The following SSPN variants were observed in gnomAD, a reference collection of about 807,000 sequenced individuals.
The protein encoded by SSPN is sarcospan, also known as K-ras oncogene-associated protein.
SSPN carries 15 observed loss-of-function variants against 19.1 expected under a neutral mutation model. That is an observed-to-expected ratio of 0.78 (90% CI 0.52 to 1.21). SSPN has a LOEUF of 1.21. Among genes scored for constraint, SSPN ranks in the 50% most tolerant of loss-of-function variants. SSPN has a pLI of 0.00. For missense variants in SSPN, 291 were observed against 314.0 expected, an observed-to-expected ratio of 0.93 and a Z score of 0.55; for synonymous variants, 147 against 140.3, an observed-to-expected ratio of 1.05 and a Z score of -0.34.
chr12:26,213,747 G>A (rs1945017117), intron 1 of SSPN, among the ~76,000 whole-genome samples: 1 of 151,890 alleles, frequency 6.6e-6, no homozygotes, highest in South Asian at 2.1e-4. Flanking sequence ...TTTATTATTT[G>A]TATTTTACTA....
intron 1 of SSPN, among the ~76,000 whole-genome samples, chr12:26,201,664 G>A (rs1281781300): frequency 1.3e-5 from 2 of 151,732 alleles, no homozygotes; most frequent in Non-Finnish European, 2.9e-5. Flanking sequence ...CTGTATTGTG[G>A]ATATATTCAA....
intron 1 of SSPN, among the ~76,000 whole-genome samples, chr12:26,207,963 G>A (rs796074050): frequency 1.0e-4 from 15 of 147,994 alleles, no homozygotes; most frequent in East Asian, 4.3e-4. Context: ...TCGCACCACC[G>A]CACTTCAGCC....
Position 26,232,510 on chromosome 12 carries a change from G to A in SSPN, c.*1434G>A. 1 of 985,350 alleles carries A rather than the reference G, an allele frequency of 1.0e-6. No homozygotes were observed. The highest frequency in any genetic ancestry group is 1.2e-6 in the Non-Finnish European group (1 of 829,868). 61.0% of individuals were successfully genotyped at this position (985,350 alleles called of 1,614,324 possible). Reference sequence around the variant, plus strand: ...AAGCAGAAATTAAGATAATAATTGAGTTCAATTCGCCTCTCCGCATTGCCT... The same window carrying A: ...AAGCAGAAATTAAGATAATAATTGAATTCAATTCGCCTCTCCGCATTGCCT... On this transcript the variant is annotated 3_prime_UTR_variant, in exon 3 of 3. Transcript: ENST00000242729.
At chr12:26,214,765 A>G (rs1242921604) in intron 1 of SSPN, 8 of 152,150 alleles carry the variant, frequency 5.3e-5, no homozygotes, top group East Asian at 3.9e-4. Context: ...GTGTTCCTTT[A>G]TCTTGCTTTT....
At chr12:26,215,254 TC>T (rs1945034692) in intron 1 of SSPN, among the ~76,000 whole-genome samples, 1 of 152,178 alleles carries the variant, frequency 6.6e-6, no homozygotes, top group East Asian at 1.9e-4. Flanking sequence ...CTTCCTCTAT[TC>T]CCACAAATCA....
chr12:26,209,635 T>A (rs1944963969), intron 1 of SSPN, among the ~76,000 whole-genome samples: 1 of 140,706 alleles, frequency 7.1e-6, no homozygotes, highest in South Asian at 2.2e-4. Context: ...TCACTGATGT[T>A]GTTACTGATG....
chr12:26,195,859 C>T lies in SSPN; in HGVS notation c.187C>T (p.Leu63=). ...PLLLALLQLA[L]GIAVTVVGFL... ...GCTGCTCGCCCTGCTGCAGCTGGCC[C>T]TGGGCATCGCCGTGACCGTGGTGGG... Residue 63 remains leucine, a synonymous_variant, in exon 1 of 3, where the codon CTG becomes TTG. Coordinates refer to ENST00000242729, the MANE Select transcript of SSPN (RefSeq NM_005086.5). 1.3e-6 allele frequency: 2 copies of T among 1,561,208 alleles called. No homozygotes were observed. Among genetic ancestry groups the T allele is most frequent in the East Asian group, 2.5e-5 (1 of 40,314 alleles).
intron 2 of SSPN, among the ~76,000 whole-genome samples, chr12:26,225,745 T>TAAAAA (rs35244146): frequency 1.6e-5 from 2 of 121,892 alleles, no homozygotes; most frequent in African/African-American, 3.2e-5. Flanking sequence ...GCTTGGTGAT[T>TAAAAA]AAAAAAAAAA....
intron 1 of SSPN, chr12:26,122,791 A>G: frequency 1.9e-6 from 3 of 1,591,494 alleles, no homozygotes; most frequent in Non-Finnish European, 2.6e-6. Context: ...TCGCCGCCGT[A>G]GCCGCTGTCG....
chr12:26,150,437 T>C (rs1414720735), intron 1 of SSPN, among the ~76,000 whole-genome samples: 1 of 152,236 alleles, frequency 6.6e-6, no homozygotes, highest in Non-Finnish European at 1.5e-5. Flanking sequence ...TTAATTATTT[T>C]TTTCATTTAA....
chr12:26,206,493 T>C (rs775636934), intron 1 of SSPN, among the ~76,000 whole-genome samples: 12 of 152,212 alleles, frequency 7.9e-5, no homozygotes, highest in Non-Finnish European at 1.6e-4. Flanking sequence ...TATTGTACTA[T>C]TCAACATATA....
chr12:26,174,727 G>T (rs1036533915), intron 1 of SSPN, among the ~76,000 whole-genome samples: 1 of 152,046 alleles, frequency 6.6e-6, no homozygotes, highest in African/African-American at 2.4e-5. Context: ...CACCATGTTG[G>T]CCAGGCTGGT....
chr12:26,215,620 A>C, intron 1 of SSPN, among the ~76,000 whole-genome samples: 1 of 152,172 alleles, frequency 6.6e-6, no homozygotes, highest in South Asian at 2.1e-4. Context: ...CCTTTCTCTA[A>C]CTGGTTGTTA....
intron 1 of SSPN, among the ~76,000 whole-genome samples, chr12:26,131,087 C>T (rs765852228): frequency 4.6e-5 from 7 of 152,130 alleles, no homozygotes; most frequent in African/African-American, 1.2e-4. Context: ...ATGGCTTGTC[C>T]ACGTCCTCTT....
chr12:26,207,442 T>C (rs1455742435), intron 1 of SSPN, among the ~76,000 whole-genome samples: 1 of 152,208 alleles, frequency 6.6e-6, no homozygotes, highest in Non-Finnish European at 1.5e-5. Context: ...AAGTCTCCCA[T>C]GTTTCATTTC....
chr12:26,170,894 TG>T (rs1410197522), intron 1 of SSPN, among the ~76,000 whole-genome samples: 1 of 152,250 alleles, frequency 6.6e-6, no homozygotes, highest in African/African-American at 2.4e-5. Flanking sequence ...AAGCATGGTA[TG>T]TAATTATAAT....
intron 1 of SSPN, among the ~76,000 whole-genome samples, chr12:26,203,733 G>A (rs983546610): frequency 6.6e-6 from 1 of 152,132 alleles, no homozygotes; most frequent in African/African-American, 2.4e-5. Context: ...CCGTAGACTG[G>A]GTGACTTAAA....
intron 1 of SSPN, among the ~76,000 whole-genome samples, chr12:26,160,049 T>A (rs1245855256): frequency 6.6e-6 from 1 of 152,166 alleles, no homozygotes; most frequent in African/African-American, 2.4e-5. Flanking sequence ...TGAAGCACTA[T>A]CAGCCACTGA....
intron 1 of SSPN, among the ~76,000 whole-genome samples, chr12:26,136,195 G>A (rs1014968173): frequency 4.6e-5 from 7 of 152,228 alleles, no homozygotes; most frequent in Middle Eastern, 3.2e-3. Context: ...GGGATGACGT[G>A]TGTAGGCTAT....
Sources: allele counts gnomAD v4.1 joint callset (sites outside exome capture counted in the v4.1 genomes callset), GRCh38; gene constraint gnomAD v4.1.1; transcripts MANE v1.5; gene names NCBI Gene and HGNC (gene_info 2026-07-23, HGNC 2026-07-21).